RAB3GAP2: variants seen among roughly 807,000 people sequenced by gnomAD.
The protein encoded by RAB3GAP2 is rab3 GTPase-activating protein non-catalytic subunit.
Under a neutral mutation model 185.3 loss-of-function variants are expected in RAB3GAP2, and 87 were observed. The ratio of observed to expected loss-of-function variants is 0.47; its 90% CI spans 0.39 to 0.56. The LOEUF is 0.56. Ranked by LOEUF, RAB3GAP2 falls within the 20% of genes least tolerant of loss-of-function variation. RAB3GAP2 has a pLI of 0.00. For missense variants in RAB3GAP2, 1,492 were observed against 1,638.2 expected (o/e 0.91, Z 1.54); for synonymous variants, 554 against 576.1 (o/e 0.96, Z 0.55).
In RAB3GAP2 at chr1:220,272,329, G is replaced by T; in HGVS notation, c.9C>A (p.Cys3Ter). The change falls in exon 1 of 35, where the codon TGC (cysteine) becomes TGA (stop). Residue 3 changes from cysteine (C) to a stop codon, truncating the protein, a stop_gained. Coordinates refer to ENST00000358951, the MANE Select transcript of RAB3GAP2 (RefSeq NM_012414.4). LOFTEE classifies it high-confidence loss of function. ...GGAAGTAGCAGAACTGGACAATGGA[G>T]CAGGCCATGGCTCCAGGGAACCCCA... MA[C>*]SIVQFCYFQD... 3.1e-6 allele frequency: 5 copies of T among 1,609,792 alleles called. No homozygotes were observed. The highest frequency in any genetic ancestry group is 4.2e-6 in the Non-Finnish European group (5 of 1,178,236).
intron 1 of RAB3GAP2, among the ~76,000 whole-genome samples, chr1:220,255,730 G>A (rs1660022794): frequency 6.6e-6 from 1 of 152,108 alleles, no homozygotes; most frequent in African/African-American, 2.4e-5. Context: ...CAAGAATAGA[G>A]GGAAAGAAAA....
At chr1:220,230,918 A>G (rs1659488357) in intron 2 of RAB3GAP2, among the ~76,000 whole-genome samples, 1 of 152,154 alleles carries the variant, frequency 6.6e-6, no homozygotes, top group Admixed American at 6.6e-5. Context: ...ATTACCTCTG[A>G]AAATTATCCA....
chr1:220,189,335 A>C (rs776257454), intron 17 of RAB3GAP2, among the ~76,000 whole-genome samples: 1 of 151,912 alleles, frequency 6.6e-6, no homozygotes, highest in Non-Finnish European at 1.5e-5. Flanking sequence ...CTCCTGCCTC[A>C]GCTCCTGAGT....
chr1:220,162,099 A>T, intron 28 of RAB3GAP2, 99 bp downstream of exon 28: 1 of 959,308 alleles, frequency 1.0e-6, no homozygotes, highest in Non-Finnish European at 1.7e-6. Context: ...TTATCAAATT[A>T]AAAAATAGTC....
chr1:220,232,140 G>T (rs1659513071), intron 2 of RAB3GAP2, among the ~76,000 whole-genome samples: 1 of 152,096 alleles, frequency 6.6e-6, no homozygotes, highest in Admixed American at 6.5e-5. Context: ...ATATTTGAGT[G>T]AATAGTGAAA....
chr1:220,153,870 C>G lies in RAB3GAP2; in HGVS notation c.3645+98G>C. 2.0e-6 allele frequency: 3 copies of G among 1,528,402 alleles called. No homozygotes were observed. The South Asian group carries it at 3.5e-5, about 18-fold the overall frequency. 94.7% of individuals were successfully genotyped at this position (1,528,402 alleles called of 1,614,324 possible). A position where few individuals can be genotyped will look rare whatever the true frequency, so the allele number is the denominator to read the frequency against. On this transcript the variant is annotated intron_variant, in intron 32 of 34. Transcript: ENST00000358951. ...TGTGCTGTTTGGTTTTCTGTCCTTG[C>G]GATAGAAAGTAGTCATTCTTTTCAA... is the stretch of plus-strand genomic sequence containing the variant.
In RAB3GAP2 at chr1:220,182,304, T is replaced by C; in HGVS notation, c.2263A>G (p.Met755Val). 1 of 1,614,026 alleles carries C rather than the reference T, an allele frequency of 6.2e-7. No individual in the cohort carries two copies. The highest frequency in any genetic ancestry group is 8.5e-7 in the Non-Finnish European group (1 of 1,179,996). Residue 755 changes from methionine to valine, a missense_variant, in exon 21 of 35, where the codon ATG (methionine) becomes GTG (valine). By Grantham distance (21) the Met-to-Val change is conservative (BLOSUM62 1). This residue lies in a region of RAB3GAP2 where 681 missense variants were observed against 689.1 expected (regional missense o/e 0.99). Transcript: ENST00000358951. ...CLHGESSTED[M>V]CHTLESAGLS... is the part of the protein sequence containing the mutation. ...CCAGCCGACTCCAAAGTGTGACACA[T>C]ATCCTCAGTGGAGCTTTCTCCATGC...
chr1:220,246,101 A>C (rs970073490), intron 1 of RAB3GAP2, among the ~76,000 whole-genome samples: 6 of 152,206 alleles, frequency 3.9e-5, no homozygotes, highest in Non-Finnish European at 5.9e-5. Flanking sequence ...CAACCCCATC[A>C]AAAAGTGGGC....
intron 2 of RAB3GAP2, among the ~76,000 whole-genome samples, chr1:220,224,593 C>T (rs2102887758): frequency 6.6e-6 from 1 of 152,092 alleles, no homozygotes; most frequent in South Asian, 2.1e-4. Flanking sequence ...GTAAATTAAA[C>T]ACATGAATTT....
chr1:220,259,982 GA>G (rs1459098198), intron 1 of RAB3GAP2, among the ~76,000 whole-genome samples: 4 of 151,994 alleles, frequency 2.6e-5, no homozygotes, highest in African/African-American at 9.7e-5. Context: ...AAAACATATT[GA>G]AAAAAAGCTC....
intron 1 of RAB3GAP2, among the ~76,000 whole-genome samples, chr1:220,255,755 C>A (rs1660023050): frequency 6.6e-6 from 1 of 152,084 alleles, no homozygotes; most frequent in African/African-American, 2.4e-5. Context: ...AAGGAATGAA[C>A]AAAACCTCTG....
chr1:220,245,613 G>A (rs1356517961), intron 1 of RAB3GAP2, among the ~76,000 whole-genome samples: 2 of 152,048 alleles, frequency 1.3e-5, no homozygotes, highest in African/African-American at 4.8e-5. Flanking sequence ...CATTGCCCAG[G>A]CTTGCTTAGG....
chr1:220,195,111 GGCTTTT>G lies in RAB3GAP2; in HGVS notation c.1091_1096del (p.Gln364_Lys365del). 1 of 1,614,064 alleles carries G rather than the reference GGCTTTT, an allele frequency of 6.2e-7. No individual in the cohort carries two copies. The highest frequency in any genetic ancestry group is 8.5e-7 in the Non-Finnish European group (1 of 1,179,992). On this transcript the variant is annotated inframe_deletion, in exon 12 of 35. Transcript: ENST00000358951. The stretch of plus-strand genomic sequence containing the variant: ...TAATGGGGTAGCTGGCTCAACCTTC[GGCTTTT>G]GCTTTTGGACAGCTTCTTCTTCGTG...
intron 33 of RAB3GAP2, 119 bp from the exon 34 acceptor site, chr1:220,151,883 T>TTTGA (rs1657764317): frequency 1.9e-6 from 2 of 1,051,240 alleles, no homozygotes; most frequent in African/African-American, 3.2e-5. Flanking sequence ...CCATTTATCT[T>TTTGA]TTGATTGTAT....
intron 3 of RAB3GAP2, among the ~76,000 whole-genome samples, chr1:220,213,449 T>A (rs565570271): frequency 7.9e-4 from 120 of 151,892 alleles, no homozygotes; most frequent in South Asian, 1.7e-3. Flanking sequence ...AAATTATGAG[T>A]TAAAATGCTA....
chr1:220,158,465 A>G lies in RAB3GAP2; in HGVS notation c.3262-589T>C, dbSNP rs570668471. On this transcript the variant is annotated intron_variant, in intron 29 of 34. Transcript: ENST00000358951. This position sits in a 1 kb window ranked among gnomAD's most constrained non-coding sequence, Gnocchi z 4.3. ...TAATCTTTTTTTTTTTTTGAGACAG[A>G]GTTTCATTCTTGTTGCCCAGGCTGG... 1.3e-4 allele frequency among the ~76,000 whole-genome samples: 20 copies of G among 150,758 alleles called. No homozygotes were observed. In the East Asian group the frequency reaches 3.9e-3, roughly 29 times the overall value.
At chr1:220,177,286 C>T (rs1658310430) in intron 21 of RAB3GAP2, among the ~76,000 whole-genome samples, 1 of 152,206 alleles carries the variant, frequency 6.6e-6, no homozygotes, top group South Asian at 2.1e-4. Flanking sequence ...GTCACAAGCT[C>T]AGGGAACATG....
In RAB3GAP2 at chr1:220,148,783, T is replaced by C. The variant is rs989146794; in HGVS notation, c.*2468A>G. On this transcript the variant is annotated 3_prime_UTR_variant, in exon 35 of 35. Coordinates refer to ENST00000358951, the MANE Select transcript of RAB3GAP2 (RefSeq NM_012414.4). ...AAGTATGAAGCATTAAGAAGCATGG[T>C]GCTATATATCTCTTTATCTACATTT... The C allele has an allele frequency of 1.3e-5, 2 of 152,154 alleles. No individual in the cohort carries two copies. The highest frequency in any genetic ancestry group is 2.4e-5 in the African/African-American group (1 of 41,444). 9.4% of individuals were successfully genotyped at this position (152,154 alleles called of 1,614,324 possible).
intron 1 of RAB3GAP2, among the ~76,000 whole-genome samples, chr1:220,249,069 G>T (rs1659880301): frequency 6.6e-6 from 1 of 152,212 alleles, no homozygotes; most frequent in African/African-American, 2.4e-5. Context: ...GGTACTGGAA[G>T]TGGGGTGCTG....
Sources: allele counts gnomAD v4.1 joint callset (sites outside exome capture counted in the v4.1 genomes callset), GRCh38; gene constraint gnomAD v4.1.1; regional missense constraint gnomAD v4.1.1; non-coding constraint Gnocchi (gnomAD v3.1); transcripts MANE v1.5; gene names NCBI Gene and HGNC (gene_info 2026-07-23, HGNC 2026-07-21).